RBFOX1: variants seen among roughly 807,000 people sequenced by gnomAD.
The protein encoded by RBFOX1 is RNA binding protein fox-1 homolog 1.
Under a neutral mutation model 57.7 loss-of-function variants are expected in RBFOX1, and 8 were observed. The observed-to-expected ratio is 0.14, with a 90% CI of 0.08 to 0.25. The LOEUF (loss-of-function observed/expected upper bound fraction) is 0.25. RBFOX1 is among the 10% of genes least tolerant of loss of function. The probability of loss-of-function intolerance (pLI) is 1.00; values close to 1 mark genes in which losing one functional copy is unlikely to be tolerated. For synonymous variants in RBFOX1, 326 were observed against 222.4 expected, an observed-to-expected ratio of 1.47 and a Z score of -4.15; for missense variants, 611 against 548.5, an observed-to-expected ratio of 1.11 and a Z score of -1.14.
At chr16:6,158,438 G>C (rs2096854139) in intron 1 of RBFOX1, among the ~76,000 whole-genome samples, 1 of 152,144 alleles carries the variant, frequency 6.6e-6, no homozygotes, top group Admixed American at 6.5e-5. Flanking sequence ...GGCCTCCTTT[G>C]ATTTTTCCCT....
At chr16:5,812,737 C>T (rs1045892757) in intron 3 of RBFOX1, among the ~76,000 whole-genome samples, 13 of 152,304 alleles carry the variant, frequency 8.5e-5, no homozygotes, top group African/African-American at 3.1e-4. Flanking sequence ...GCTGGAATTA[C>T]AGGCATGATC....
chr16:6,082,171 C>A (rs941279332), intron 1 of RBFOX1, among the ~76,000 whole-genome samples: 1 of 142,502 alleles, frequency 7.0e-6, no homozygotes, highest in Non-Finnish European at 1.5e-5. Context: ...TTACCAATAC[C>A]AGTGCTTTTT....
chr16:7,439,651 C>T (rs1372525120), intron 4 of RBFOX1, among the ~76,000 whole-genome samples: 1 of 152,164 alleles, frequency 6.6e-6, no homozygotes, highest in Admixed American at 6.5e-5. Flanking sequence ...TAAATTTTAG[C>T]TGGATTAAAT....
intron 2 of RBFOX1, among the ~76,000 whole-genome samples, chr16:5,587,451 G>A (rs762826622): frequency 2.6e-5 from 4 of 152,222 alleles, no homozygotes; most frequent in Non-Finnish European, 4.4e-5. Context: ...GGTCGCTCAC[G>A]CCTGTCATCC....
At chr16:7,488,140 C>G (rs1173261456) in intron 4 of RBFOX1, among the ~76,000 whole-genome samples, 2 of 152,104 alleles carry the variant, frequency 1.3e-5, no homozygotes, top group Non-Finnish European at 2.9e-5. Flanking sequence ...GCTAGTGTGT[C>G]CCTGCGTGAT....
At chr16:6,758,151 G>C (rs910514548) in intron 3 of RBFOX1, among the ~76,000 whole-genome samples, 3 of 152,074 alleles carry the variant, frequency 2.0e-5, no homozygotes, top group Non-Finnish European at 2.9e-5. Flanking sequence ...TTTGTGGTCA[G>C]ACTTCAGGTA....
chr16:7,395,101 T>A (rs892636699), intron 4 of RBFOX1, among the ~76,000 whole-genome samples: 1 of 152,158 alleles, frequency 6.6e-6, no homozygotes, highest in Non-Finnish European at 1.5e-5. Context: ...TTTTTTTCTC[T>A]TGAGTTAGTA....
chr16:6,725,092 C>T (rs2066887841), intron 3 of RBFOX1, among the ~76,000 whole-genome samples: 1 of 139,502 alleles, frequency 7.2e-6, no homozygotes, highest in Admixed American at 7.7e-5. Context: ...GCTCTGTCGC[C>T]CTTGCTGGAG....
chr16:7,306,101 C>T (rs1002449060), intron 4 of RBFOX1, among the ~76,000 whole-genome samples: 5 of 152,230 alleles, frequency 3.3e-5, no homozygotes, highest in South Asian at 2.1e-4. Context: ...ATTTGAATAT[C>T]ATTTACCTAG....
intron 1 of RBFOX1, among the ~76,000 whole-genome samples, chr16:6,236,706 C>G (rs1275228796): frequency 6.6e-6 from 1 of 152,178 alleles, no homozygotes; most frequent in Non-Finnish European, 1.5e-5. Context: ...CCACCTCAGA[C>G]TCCTAAAGTG....
Position 6,141,890 on chromosome 16 carries a change from C to A in RBFOX1, c.-127+121898C>A, listed in dbSNP as rs533853493. 1.2e-4 allele frequency among the ~76,000 whole-genome samples: 18 copies of A among 151,914 alleles called. No homozygotes were observed. In the South Asian group the frequency reaches 2.9e-3, roughly 25 times the overall value. The stretch of plus-strand genomic sequence containing the variant: ...CCTGACCAACATGGTGAAACCCCAT[C>A]TCTACTAAAAATATAAAAATTAGCC... On this transcript the variant is annotated intron_variant, in intron 1 of 15. Coordinates refer to ENST00000550418, the MANE Select transcript of RBFOX1 (RefSeq NM_018723.4).
intron 4 of RBFOX1, among the ~76,000 whole-genome samples, chr16:5,993,166 C>G (rs896611428): frequency 6.6e-6 from 1 of 152,126 alleles, no homozygotes; most frequent in Non-Finnish European, 1.5e-5. Context: ...GTCTTCTGTC[C>G]ACTTACACAT....
intron 3 of RBFOX1, among the ~76,000 whole-genome samples, chr16:6,778,607 T>C (rs1157739913): frequency 1.3e-5 from 2 of 152,120 alleles, no homozygotes; most frequent in East Asian, 1.9e-4. Flanking sequence ...ACGAGGACTA[T>C]AGAATGCAAT....
intron 4 of RBFOX1, among the ~76,000 whole-genome samples, chr16:7,462,149 C>T (rs1305575135): frequency 1.3e-5 from 2 of 152,170 alleles, no homozygotes; most frequent in African/African-American, 4.8e-5. Flanking sequence ...TGGAGGGCTC[C>T]TGCCCAGCCT....
chr16:6,555,212 C>A (rs17140584), intron 2 of RBFOX1, among the ~76,000 whole-genome samples: 3 of 152,068 alleles, frequency 2.0e-5, no homozygotes, highest in African/African-American at 7.3e-5. Flanking sequence ...ATGTTCCCTG[C>A]ATTCCATATC....
intron 2 of RBFOX1, among the ~76,000 whole-genome samples, chr16:6,592,966 G>A (rs540565964): frequency 6.6e-6 from 1 of 152,316 alleles, no homozygotes; most frequent in East Asian, 1.9e-4. Flanking sequence ...GCTGAGGCAA[G>A]CGGATCATCT....
chr16:6,175,168 TA>T (rs2096994386), intron 1 of RBFOX1, among the ~76,000 whole-genome samples: 1 of 152,242 alleles, frequency 6.6e-6, no homozygotes, highest in South Asian at 2.1e-4. Flanking sequence ...CTACAGCTTA[TA>T]TTCATATTCA....
At chr16:5,939,440 A>G (rs2059237227) in intron 4 of RBFOX1, among the ~76,000 whole-genome samples, 1 of 152,202 alleles carries the variant, frequency 6.6e-6, no homozygotes, top group South Asian at 2.1e-4. Flanking sequence ...TACTCCCAAG[A>G]TGGCTCACAC....
chr16:6,686,699 G>A (rs550378182), intron 3 of RBFOX1, among the ~76,000 whole-genome samples: 3 of 152,074 alleles, frequency 2.0e-5, no homozygotes, highest in Non-Finnish European at 4.4e-5. Flanking sequence ...CTAAGGGAAC[G>A]CAATTGTGAG....
Sources: allele counts gnomAD v4.1 joint callset (sites outside exome capture counted in the v4.1 genomes callset), GRCh38; gene constraint gnomAD v4.1.1; transcripts MANE v1.5; gene names NCBI Gene and HGNC (gene_info 2026-07-23, HGNC 2026-07-21).